The following AP1S3 variants were observed in gnomAD, a reference collection of about 807,000 sequenced individuals.
The protein encoded by AP1S3 is adaptor related protein complex 1 subunit sigma 3.
Under a neutral mutation model 20.9 loss-of-function variants are expected in AP1S3, and 10 were observed. The observed-to-expected ratio is 0.48, with a 90% CI of 0.29 to 0.81. The LOEUF (loss-of-function observed/expected upper bound fraction) is 0.81, where lower values mean the gene tolerates loss of function less well. Among genes scored for constraint, AP1S3 ranks in the 30% least tolerant of loss-of-function variants. The probability of loss-of-function intolerance (pLI) is 0.08; values close to 1 mark genes in which losing one functional copy is unlikely to be tolerated. For missense variants in AP1S3, 154 were observed against 183.8 expected (o/e 0.84, Z 0.94); for synonymous variants, 41 against 61.5 (o/e 0.67, Z 1.56).
At chr2:223,771,794 C>T (rs1690633594) in intron 3 of AP1S3, among the ~76,000 whole-genome samples, 1 of 152,180 alleles carries the variant, frequency 6.6e-6, no homozygotes, top group African/African-American at 2.4e-5. Flanking sequence ...AACTATATAA[C>T]TACCATAAAG....
chr2:223,815,777 C>T (rs974272239), intron 1 of AP1S3, among the ~76,000 whole-genome samples: 2 of 152,148 alleles, frequency 1.3e-5, no homozygotes, highest in Non-Finnish European at 2.9e-5. Flanking sequence ...AAACAACATA[C>T]TATGTAACAA....
chr2:223,803,284 A>G (rs1394181626), intron 1 of AP1S3, among the ~76,000 whole-genome samples: 4 of 152,228 alleles, frequency 2.6e-5, no homozygotes, highest in Non-Finnish European at 5.9e-5. Flanking sequence ...ACTTAAATAC[A>G]GCCAATTAAT....
chr2:223,815,226 CT>C (rs1172405735), intron 1 of AP1S3, among the ~76,000 whole-genome samples: 2 of 152,292 alleles, frequency 1.3e-5, no homozygotes, highest in Admixed American at 1.3e-4. Flanking sequence ...TCTTTGAGTA[CT>C]TTTTGGCATC....
At chr2:223,794,456 G>C (rs994297214) in intron 1 of AP1S3, among the ~76,000 whole-genome samples, 1 of 151,892 alleles carries the variant, frequency 6.6e-6, no homozygotes, top group African/African-American at 2.4e-5. Flanking sequence ...GGTTTTATTG[G>C]GTATCAGAAA....
At chr2:223,760,398 A>G (rs1690325480) in intron 4 of AP1S3, among the ~76,000 whole-genome samples, 1 of 152,232 alleles carries the variant, frequency 6.6e-6, no homozygotes. Context: ...AGGGCTAGAA[A>G]TCTGCCCTTA....
rs57633457 is a variant in AP1S3, at chr2:223,803,650, T to C, written c.4-25781A>G. Among the ~76,000 whole-genome samples the C allele has an allele frequency of 5.7e-3, 870 of 152,084 alleles. 11 individuals carry two copies. Among genetic ancestry groups the C allele is most frequent in the African/African-American group, 0.02 (817 of 41,506 alleles). ...ATGGAAGTATCTTGGGAGGCTGAGG[T>C]GGGCGAATCATGAAGTCAGGAGATC... On this transcript the variant is annotated intron_variant, in intron 1 of 4. Coordinates refer to ENST00000396654, the MANE Select transcript of AP1S3 (RefSeq NM_001039569.2).
intron 1 of AP1S3, among the ~76,000 whole-genome samples, chr2:223,779,679 A>G (rs961159246): frequency 2.6e-5 from 4 of 151,802 alleles, no homozygotes; most frequent in African/African-American, 9.7e-5. Flanking sequence ...TAAAAGATTC[A>G]ACTTTCGGCC....
At chr2:223,830,667 G>T (rs1692236865) in intron 1 of AP1S3, among the ~76,000 whole-genome samples, 1 of 152,090 alleles carries the variant, frequency 6.6e-6, no homozygotes, top group South Asian at 2.1e-4. Context: ...GCATTTCAGT[G>T]TCCACTGAGC....
chr2:223,776,527 G>T (rs1446563929), intron 2 of AP1S3, among the ~76,000 whole-genome samples: 5 of 152,150 alleles, frequency 3.3e-5, no homozygotes, highest in Admixed American at 3.3e-4. Context: ...ATCTGTGAAG[G>T]TTGCCTCTGT....
intron 1 of AP1S3, among the ~76,000 whole-genome samples, chr2:223,790,941 C>T (rs1458337757): frequency 6.6e-6 from 1 of 152,144 alleles, no homozygotes; most frequent in East Asian, 1.9e-4. Context: ...AATTCCTGGA[C>T]ACATACACCC....
chr2:223,815,943 G>T (rs545084435), intron 1 of AP1S3, among the ~76,000 whole-genome samples: 8 of 152,114 alleles, frequency 5.3e-5, no homozygotes, highest in African/African-American at 1.9e-4. Context: ...AACCACATCT[G>T]TACAAAAAAT....
chr2:223,815,754 G>C (rs143721205), intron 1 of AP1S3, among the ~76,000 whole-genome samples: 1 of 152,258 alleles, frequency 6.6e-6, no homozygotes, highest in East Asian at 1.9e-4. Context: ...CTTGAAAACT[G>C]CAACTTTAAG....
intron 1 of AP1S3, among the ~76,000 whole-genome samples, chr2:223,780,312 G>T (rs1458350386): frequency 0.034 from 1,929 of 56,586 alleles, 38 homozygotes; most frequent in Non-Finnish European, 0.039. Context: ...TATATATAGA[G>T]AGAGAGAGAG....
chr2:223,797,920 C>A (rs1691382479), intron 1 of AP1S3, among the ~76,000 whole-genome samples: 1 of 152,210 alleles, frequency 6.6e-6, no homozygotes, highest in African/African-American at 2.4e-5. Flanking sequence ...CACTAACACT[C>A]TACAGCTTTG....
intron 1 of AP1S3, among the ~76,000 whole-genome samples, chr2:223,833,436 G>C (rs1044760553): frequency 1.3e-5 from 2 of 152,124 alleles, no homozygotes; most frequent in African/African-American, 4.8e-5. Flanking sequence ...AGGTGAGATG[G>C]AGTACACAGT....
At chr2:223,791,267 C>T (rs916620159) in intron 1 of AP1S3, among the ~76,000 whole-genome samples, 3 of 152,126 alleles carry the variant, frequency 2.0e-5, no homozygotes, top group Non-Finnish European at 2.9e-5. Flanking sequence ...CGATGAACAT[C>T]GATGCAAAAA....
At chr2:223,806,854 C>T (rs191126418) in intron 1 of AP1S3, among the ~76,000 whole-genome samples, 2 of 152,210 alleles carry the variant, frequency 1.3e-5, no homozygotes, top group East Asian at 3.9e-4. Flanking sequence ...ATTGCAATGG[C>T]TCTCCCAGAG....
In AP1S3 at chr2:223,756,632, T is replaced by G. The variant is rs1306074929; in HGVS notation, c.*2083A>C. On this transcript the variant is annotated 3_prime_UTR_variant, in exon 5 of 5. Transcript: ENST00000396654. ...CATGGTAACCTGAAGAAATATTGGA[T>G]AGTAAAAGCCTAATGATTATTTTAT... 1.0e-6 allele frequency: 1 copy of G among 985,256 alleles called. No homozygotes were observed. Among genetic ancestry groups the G allele is most frequent in the African/African-American group, 1.7e-5 (1 of 57,262 alleles). 61.0% of individuals were successfully genotyped at this position (985,256 alleles called of 1,614,324 possible).
intron 1 of AP1S3, among the ~76,000 whole-genome samples, chr2:223,831,226 G>T (rs1388824492): frequency 6.6e-6 from 1 of 152,098 alleles, no homozygotes; most frequent in Admixed American, 6.6e-5. Context: ...GACTTCCTGG[G>T]CTCAGGTGAT....
Sources: gnomAD v4.1 joint callset for allele counts (sites outside exome capture counted in the v4.1 genomes callset) on GRCh38, gnomAD v4.1.1 for gene constraint, MANE v1.5 for transcripts, NCBI Gene and HGNC (gene_info 2026-07-23, HGNC 2026-07-21) for gene names.